CPEB3: variants seen among roughly 807,000 people sequenced by gnomAD.
CPEB3 encodes cytoplasmic polyadenylation element binding protein 3.
Under a neutral mutation model 67.2 loss-of-function variants are expected in CPEB3, and 20 were observed. The ratio of observed to expected loss-of-function variants is 0.30; its 90% confidence interval spans 0.21 to 0.43. The LOEUF is 0.43. CPEB3 is among the 20% of genes least tolerant of loss of function. The pLI, the probability that CPEB3 is intolerant of heterozygous loss-of-function variation, is 1.00. For synonymous variants in CPEB3, 376 were observed against 393.1 expected, an observed-to-expected ratio of 0.96 and a Z score of 0.51; for missense variants, 746 against 968.6, an observed-to-expected ratio of 0.77 and a Z score of 3.05.
chr10:92,275,660 C>A (rs1476221057), intron 1 of CPEB3, among the ~76,000 whole-genome samples: 2 of 152,104 alleles, frequency 1.3e-5, no homozygotes, highest in Admixed American at 6.6e-5. Flanking sequence ...GAAACCCCAA[C>A]ACAACTTAGT....
At chr10:92,057,171 A>G (rs973348895) in intron 9 of CPEB3, among the ~76,000 whole-genome samples, 3 of 151,950 alleles carry the variant, frequency 2.0e-5, no homozygotes, top group Non-Finnish European at 4.4e-5. Flanking sequence ...GGGGTCCCCA[A>G]CTCTAGGACT....
chr10:92,191,400 A>G (rs1481789779), intron 3 of CPEB3, among the ~76,000 whole-genome samples: 2 of 151,910 alleles, frequency 1.3e-5, no homozygotes, highest in African/African-American at 2.4e-5. Context: ...AAAATAAAAA[A>G]AATAAAAAAT....
chr10:92,254,386 C>A (rs1166904532), intron 1 of CPEB3, among the ~76,000 whole-genome samples: 1 of 152,160 alleles, frequency 6.6e-6, no homozygotes, highest in Non-Finnish European at 1.5e-5. Flanking sequence ...AAGTCCACAT[C>A]TTCTGAGTGA....
At chr10:92,096,145 G>C (rs1246189552) in intron 7 of CPEB3, among the ~76,000 whole-genome samples, 1 of 151,480 alleles carries the variant, frequency 6.6e-6, no homozygotes, top group African/African-American at 2.4e-5. Flanking sequence ...AAAGTGCTGG[G>C]ATTACAGGCG....
intron 1 of CPEB3, among the ~76,000 whole-genome samples, chr10:92,289,313 T>G (rs1236422502): frequency 6.6e-6 from 1 of 151,916 alleles, no homozygotes; most frequent in Non-Finnish European, 1.5e-5. Context: ...CGAGACGGGC[T>G]GATCGCCTGA....
At chr10:92,190,663 CTCAAAAAAAAA>C in intron 3 of CPEB3, among the ~76,000 whole-genome samples, 1 of 41,524 alleles carries the variant, frequency 2.4e-5, no homozygotes, top group African/African-American at 9.3e-5. Flanking sequence ...GAAACTCCAT[CTCAAAAAAAAA>C]AAAAAAAAAA....
intron 1 of CPEB3, among the ~76,000 whole-genome samples, chr10:92,283,722 C>CTTTTTTTTTTTTTTTTT (rs869248048): frequency 5.7e-4 from 62 of 108,932 alleles, no homozygotes; most frequent in Non-Finnish European, 8.7e-4. Flanking sequence ...CTTTTTCTTT[C>CTTTTTTTTTTTTTTTTT]TTTTTTTTTT....
intron 4 of CPEB3, among the ~76,000 whole-genome samples, chr10:92,172,689 G>C (rs921735955): frequency 3.9e-5 from 6 of 152,078 alleles, no homozygotes; most frequent in African/African-American, 1.4e-4. Flanking sequence ...CCTAAAAGTT[G>C]AAAGGGGGAA....
intron 7 of CPEB3, among the ~76,000 whole-genome samples, chr10:92,094,740 TGCCTTTTACTAATTTTTTCATTTAATAC>T (rs1843778284): frequency 6.6e-6 from 1 of 152,032 alleles, no homozygotes; most frequent in African/African-American, 2.4e-5. Flanking sequence ...GAGGACCTAC[TGCCTTTTACTAATTTTTTCATTTAATAC>T]ACAATAATTT....
intron 2 of CPEB3, among the ~76,000 whole-genome samples, chr10:92,207,275 A>T (rs1849837383): frequency 6.6e-6 from 1 of 151,982 alleles, no homozygotes; most frequent in Non-Finnish European, 1.5e-5. Context: ...GCACCACCAT[A>T]CCCAGCCCAT....
Position 92,240,144 on chromosome 10 carries a change from G to GTC in CPEB3, c.205_206dup (p.Asp69GlufsTer14), listed in dbSNP as rs1284324916. On this transcript the variant is annotated frameshift_variant, in exon 2 of 10. Transcript: ENST00000265997. LOFTEE classifies it high-confidence loss of function. ...GGAGCGGTGATTCCATCTGCATCTT[G>GTC]TCCGGGCCGTTGGGGGCCGGGGGGG... 1 of 1,564,490 alleles carries GTC rather than the reference G, an allele frequency of 6.4e-7. No individual in the cohort carries two copies. Among genetic ancestry groups the GTC allele is most frequent in the Non-Finnish European group, 8.7e-7 (1 of 1,154,160 alleles).
intron 3 of CPEB3, among the ~76,000 whole-genome samples, chr10:92,184,624 G>T (rs913878900): frequency 6.6e-6 from 1 of 151,988 alleles, no homozygotes; most frequent in African/African-American, 2.4e-5. Flanking sequence ...GAAAAGAAAA[G>T]ACACTCTGGG....
rs59306760 is a variant in CPEB3 at position 92,082,264 on chromosome 10, C to CTTTGTTTG, written c.1688-771_1688-764dup. ...CTTGTCACATTTCTTCTAAATATGCCTTTGTTTGTTTGTTTGTTTGTTTGT... is the reference window on the plus strand; with the variant it reads ...CTTGTCACATTTCTTCTAAATATGCCTTTGTTTGTTTGTTTGTTTGTTTGTTTGTTTGT... On this transcript the variant is annotated intron_variant, in intron 8 of 9. Coordinates refer to ENST00000265997, the MANE Select transcript of CPEB3 (RefSeq NM_014912.5). Among the ~76,000 whole-genome samples the CTTTGTTTG allele has an allele frequency of 9.0e-4, 136 of 150,872 alleles. 3 individuals carry two copies. Among genetic ancestry groups the CTTTGTTTG allele is most frequent in the Middle Eastern group, 3.4e-3 (1 of 294 alleles).
chr10:92,098,250 A>G (rs999269438), intron 7 of CPEB3, among the ~76,000 whole-genome samples: 7 of 144,830 alleles, frequency 4.8e-5, no homozygotes, highest in South Asian at 2.3e-4. Context: ...ATTTCCATAG[A>G]CCCCATTTTT....
At chr10:92,104,081 T>C (rs913012789) in intron 7 of CPEB3, among the ~76,000 whole-genome samples, 15 of 152,234 alleles carry the variant, frequency 9.9e-5, no homozygotes, top group Admixed American at 8.5e-4. Flanking sequence ...TTTACACAAA[T>C]GTATATATTG....
At chr10:92,053,434 G>A (rs942794529) in intron 9 of CPEB3, among the ~76,000 whole-genome samples, 3 of 151,998 alleles carry the variant, frequency 2.0e-5, no homozygotes, top group African/African-American at 7.2e-5. Flanking sequence ...TGCGATCTCG[G>A]CTCACTGCAA....
intron 6 of CPEB3, among the ~76,000 whole-genome samples, chr10:92,114,745 T>C (rs183226311): frequency 5.6e-4 from 86 of 152,374 alleles, no homozygotes; most frequent in African/African-American, 2.0e-3. Context: ...AACCATGAAC[T>C]TGAATATTAA....
intron 1 of CPEB3, among the ~76,000 whole-genome samples, chr10:92,272,823 G>A (rs899852361): frequency 4.7e-4 from 72 of 152,174 alleles, no homozygotes; most frequent in Non-Finnish European, 5.9e-5. Flanking sequence ...TTTTAATCAG[G>A]TGAGTAACGT....
Position 92,208,323 on chromosome 10 carries a change from T to C in CPEB3, c.1006-15687A>G, listed in dbSNP as rs865787794. On this transcript the variant is annotated intron_variant, in intron 2 of 9. Transcript: ENST00000265997. Reference sequence around the variant, plus strand: ...AAAGTCAGACTCCTTTGTGGTAGAATGCCATTTTGAACTTCTGCATATTCA... The same window carrying C: ...AAAGTCAGACTCCTTTGTGGTAGAACGCCATTTTGAACTTCTGCATATTCA... 9.8e-5 allele frequency among the ~76,000 whole-genome samples: 15 copies of C among 152,302 alleles called. 2 individuals carry two copies. The South Asian group carries it at 3.1e-3, about 32-fold the overall frequency.
Sources: allele counts gnomAD v4.1 joint callset (sites outside exome capture counted in the v4.1 genomes callset), GRCh38; gene constraint gnomAD v4.1.1; transcripts MANE v1.5; gene names NCBI Gene and HGNC (gene_info 2026-07-23, HGNC 2026-07-21).